RDH12: variants seen among roughly 807,000 people sequenced by gnomAD.
RDH12 encodes the protein all-trans and 9-cis retinol dehydrogenase.
A neutral mutation model predicts 34.0 loss-of-function variants in RDH12; 21 were observed. The observed-to-expected ratio is 0.62, with a 90% confidence interval of 0.44 to 0.89. The LOEUF (loss-of-function observed/expected upper bound fraction) is 0.89. Among genes scored for constraint, RDH12 ranks in the 40% least tolerant of loss-of-function variants. The pLI is 0.00. For missense variants in RDH12, 394 were observed against 398.6 expected (o/e 0.99, Z 0.10); for synonymous variants, 198 against 169.9 (o/e 1.17, Z -1.29).
intron 1 of RDH12, among the ~76,000 whole-genome samples, chr14:67,702,925 C>A (rs927942215): frequency 6.6e-6 from 1 of 152,170 alleles, no homozygotes; most frequent in Non-Finnish European, 1.5e-5. Flanking sequence ...GTGATTCTCC[C>A]ACCTCAGCCT....
At chr14:67,721,317 C>T (rs1281718611) in intron 2 of RDH12, among the ~76,000 whole-genome samples, 5 of 152,124 alleles carry the variant, frequency 3.3e-5, no homozygotes, top group Admixed American at 2.0e-4. Flanking sequence ...TCCAGAGGCA[C>T]GATCCTAGCT....
At position 67,724,581 on chromosome 14, in the gene RDH12, C is replaced by G. The variant is rs777401977; in HGVS notation, c.177C>G (p.Leu59=). 1 of 1,612,618 alleles carries G rather than the reference C, an allele frequency of 6.2e-7. No homozygotes were observed. Among genetic ancestry groups the G allele is most frequent in the East Asian group, 2.2e-5 (1 of 44,850 alleles). ...TTGGCAAGGAGACGGCCAGAGAGCT[C>G]GCTAGCCGAGGTAAGTGTTTCCCCT... The part of the protein sequence containing the change: ...TGIGKETARE[L]ASRGARVYIA... The change falls in exon 4 of 9, where the codon CTC becomes CTG. Residue 59 remains leucine (L), a synonymous_variant. Transcript: ENST00000551171.
In RDH12 at chr14:67,729,245, T is replaced by TC. The variant is rs760813820; in HGVS notation, c.715dup (p.Arg239ProfsTer34). 3 of 1,610,158 alleles carry TC rather than the reference T, an allele frequency of 1.9e-6. No individual in the cohort carries two copies. Among genetic ancestry groups the TC allele is most frequent in the Admixed American group, 1.7e-5 (1 of 59,996 alleles). ...CCAGGCGTCGTCCGCTCTGAGCTGG[T>TC]CCGGCACTCCTCCCTGCTCTGCCTG... On this transcript the variant is annotated frameshift_variant, in exon 8 of 9. Transcript: ENST00000551171. LOFTEE classifies it high-confidence loss of function.
At chr14:67,726,028 A>G in intron 5 of RDH12, 23 bp from the exon 6 acceptor site, 1 of 1,519,316 alleles carries the variant, frequency 6.6e-7, no homozygotes, top group South Asian at 1.1e-5. Flanking sequence ...TAACCATAGG[A>G]TCTCTTTGGT....
intron 1 of RDH12, among the ~76,000 whole-genome samples, chr14:67,703,188 G>T (rs1469987162): frequency 6.6e-6 from 1 of 152,136 alleles, no homozygotes; most frequent in African/African-American, 2.4e-5. Context: ...ATAAAAGATA[G>T]TTGGATCTAA....
chr14:67,709,036 T>A (rs781555587), intron 1 of RDH12, among the ~76,000 whole-genome samples: 1 of 152,186 alleles, frequency 6.6e-6, no homozygotes, highest in Non-Finnish European at 1.5e-5. Flanking sequence ...CATGATCCGC[T>A]GGCCTTGGCT....
At chr14:67,730,896 G>A (rs577769570) in intron 8 of RDH12, among the ~76,000 whole-genome samples, 18 of 152,132 alleles carry the variant, frequency 1.2e-4, no homozygotes, top group Middle Eastern at 3.4e-3. Flanking sequence ...GAGCCACCGC[G>A]CCCAGCCCCA....
At chr14:67,704,999 T>C (rs1297836856) in intron 1 of RDH12, among the ~76,000 whole-genome samples, 3 of 152,088 alleles carry the variant, frequency 2.0e-5, no homozygotes, top group Admixed American at 6.6e-5. Flanking sequence ...TCCAGGGAGG[T>C]CACTCTGAAA....
Position 67,707,688 on chromosome 14 carries a change from T to C in RDH12, c.-275+5753T>C, listed in dbSNP as rs578046655. 1.7e-3 allele frequency among the ~76,000 whole-genome samples: 255 copies of C among 152,354 alleles called. 14 individuals carry two copies. The South Asian group carries it at 0.052, about 31-fold the overall frequency. On this transcript the variant is annotated intron_variant, in intron 1 of 8. Transcript: ENST00000551171. ...ACATAGGCTTTTAAATTGGCTTTGATGAAACTGTGTTCTGTAGAAAGAATC... is the reference window on the plus strand; with the variant it reads ...ACATAGGCTTTTAAATTGGCTTTGACGAAACTGTGTTCTGTAGAAAGAATC...
At position 67,706,077 on chromosome 14, in the gene RDH12, C is replaced by T. The variant is rs571858961; in HGVS notation, c.-275+4142C>T. On this transcript the variant is annotated intron_variant, in intron 1 of 8. Transcript: ENST00000551171. ...GCCAATCAGGTGTCCACATTAAGTT[C>T]AGCATCAATATAGTGACCTCCTGGG... 3.9e-5 allele frequency: 6 copies of T among 152,154 alleles called. No individual in the cohort carries two copies. In the East Asian group the frequency reaches 1.2e-3, roughly 29 times the overall value. The allele number at this position is 152,154 out of a possible 1,614,324, so 9.4% of individuals were successfully genotyped here.
intron 1 of RDH12, among the ~76,000 whole-genome samples, chr14:67,717,279 C>G (rs1287165093): frequency 6.6e-6 from 1 of 152,152 alleles, no homozygotes; most frequent in Non-Finnish European, 1.5e-5. Flanking sequence ...CTCAGAAAGC[C>G]ACTCAGTGGA....
At chr14:67,710,862 T>G (rs11624933) in intron 1 of RDH12, among the ~76,000 whole-genome samples, 14,055 of 152,200 alleles carry the variant, frequency 0.092, 900 homozygotes, top group Non-Finnish European at 0.15. Context: ...GTATTTATTC[T>G]ATTACATTTA....
At chr14:67,722,766 C>T (rs1157907708) in intron 3 of RDH12, 56 bp downstream of exon 3, 55 of 1,371,436 alleles carry the variant, frequency 4.0e-5, no homozygotes, top group Admixed American at 1.0e-4. Flanking sequence ...CACTGGAAGC[C>T]GGTTCTCAGC....
At chr14:67,712,686 A>G (rs2038023105) in intron 1 of RDH12, among the ~76,000 whole-genome samples, 2 of 152,132 alleles carry the variant, frequency 1.3e-5, no homozygotes, top group Admixed American at 6.5e-5. Flanking sequence ...AATTGCTGCT[A>G]TTTCAGAAGT....
chr14:67,725,119 T>A lies in RDH12; in HGVS notation c.208T>A (p.Cys70Ser). 1 of 1,614,190 alleles carries A rather than the reference T, an allele frequency of 6.2e-7. No homozygotes were observed. ...CCCAGGAGCCCGAGTCTATATTGCC[T>A]GCAGAGATGTACTGAAGGGGGAGTC... is the stretch of plus-strand genomic sequence containing the variant. Reference protein sequence around the residue: ...ASRGARVYIACRDVLKGESAA... With the variant: ...ASRGARVYIASRDVLKGESAA... The change falls in exon 5 of 9, where the codon TGC (cysteine) becomes AGC (serine). Residue 70 changes from cysteine to serine, a missense_variant. Cys to Ser is a moderately radical substitution (Grantham distance 112, BLOSUM62 -1). Coordinates refer to ENST00000551171, the MANE Select transcript of RDH12 (RefSeq NM_152443.3).
intron 1 of RDH12, among the ~76,000 whole-genome samples, chr14:67,706,529 CG>C (rs1218724374): frequency 1.3e-5 from 2 of 152,004 alleles, no homozygotes; most frequent in African/African-American, 4.8e-5. Context: ...AGGGACAGCT[CG>C]AAGCATGGAA....
chr14:67,725,050 T>G, intron 4 of RDH12, 49 bp from the exon 5 acceptor site: 1 of 1,607,262 alleles, frequency 6.2e-7, no homozygotes. Context: ...TATACCTCCT[T>G]TATAGCCTAG....
At chr14:67,710,121 A>G (rs1213215106) in intron 1 of RDH12, among the ~76,000 whole-genome samples, 4 of 152,208 alleles carry the variant, frequency 2.6e-5, no homozygotes, top group Non-Finnish European at 4.4e-5. Context: ...CTTCTTACAT[A>G]TATTGATTGA....
intron 6 of RDH12, among the ~76,000 whole-genome samples, chr14:67,726,515 G>A (rs1456617827): frequency 6.6e-6 from 1 of 152,204 alleles, no homozygotes; most frequent in African/African-American, 2.4e-5. Flanking sequence ...CAAGCCATGG[G>A]TTGGTCCACG....
Sources: allele counts gnomAD v4.1 joint callset (sites outside exome capture counted in the v4.1 genomes callset), GRCh38; gene constraint gnomAD v4.1.1; transcripts MANE v1.5; gene names NCBI Gene and HGNC (gene_info 2026-07-23, HGNC 2026-07-21).